The following RHOH variants were observed in gnomAD, a reference collection of about 807,000 sequenced individuals.
The protein encoded by RHOH is ras homolog family member H.
In RHOH, 6 loss-of-function variants were observed where a neutral mutation model predicts 13.8. The ratio of observed to expected loss-of-function variants is 0.44; its 90% CI spans 0.24 to 0.86. The LOEUF (loss-of-function observed/expected upper bound fraction) is 0.86. Ranked by LOEUF, RHOH falls within the 40% of genes least tolerant of loss-of-function variation. The probability of loss-of-function intolerance (pLI) is 0.24; values close to 1 mark genes in which losing one functional copy is unlikely to be tolerated. For synonymous variants in RHOH, 117 were observed against 103.0 expected (o/e 1.14, Z -0.82); for missense variants, 147 against 244.5 (o/e 0.60, Z 2.66).
intron 1 of RHOH, among the ~76,000 whole-genome samples, chr4:40,228,328 G>A (rs1268758003): frequency 6.6e-6 from 1 of 152,136 alleles, no homozygotes; most frequent in Non-Finnish European, 1.5e-5. Flanking sequence ...GGTGGTAACT[G>A]ATTTTTATCT....
Position 40,220,488 on chromosome 4 carries a change from T to C in RHOH, c.-330-22226T>C, listed in dbSNP as rs555807312. Among the ~76,000 whole-genome samples, 259 of 152,312 alleles carry C rather than the reference T, an allele frequency of 1.7e-3. 2 individuals are homozygous for C. Among genetic ancestry groups the C allele is most frequent in the African/African-American group, 6.1e-3 (252 of 41,570 alleles). On this transcript the variant is annotated intron_variant, in intron 1 of 2. Coordinates refer to ENST00000381799, the MANE Select transcript of RHOH (RefSeq NM_004310.5). ...GAGGTCCTAGCTATATGGTACTTTA[T>C]GGTGATGAAGTACAGCCACACCATT...
intron 1 of RHOH, chr4:40,200,650 G>A (rs951316758): frequency 5.3e-5 from 8 of 152,172 alleles, no homozygotes; most frequent in African/African-American, 1.9e-4. Flanking sequence ...ATTTTCCTTT[G>A]TTTTGAGTTC....
upstream of RHOH, among the ~76,000 whole-genome samples, chr4:40,192,520 C>T (rs1722746120): frequency 6.6e-6 from 1 of 152,140 alleles, no homozygotes; most frequent in Admixed American, 6.5e-5. Flanking sequence ...GGCACAACAC[C>T]TTTGCAATGA....
intron 1 of RHOH, among the ~76,000 whole-genome samples, chr4:40,197,573 T>C (rs2109341587): frequency 1.3e-5 from 2 of 152,324 alleles, no homozygotes; most frequent in South Asian, 2.1e-4. Flanking sequence ...ATGCATATGC[T>C]TGTGACTGTG....
At chr4:40,232,440 G>A (rs56146433) in intron 1 of RHOH, among the ~76,000 whole-genome samples, 3,544 of 146,450 alleles carry the variant, frequency 0.024, 126 homozygotes, top group African/African-American at 0.084. Context: ...GGAGGCGGGG[G>A]GCAGGGGTCT....
intron 1 of RHOH, among the ~76,000 whole-genome samples, chr4:40,211,637 C>T (rs1006296982): frequency 5.9e-5 from 9 of 152,060 alleles, no homozygotes; most frequent in Non-Finnish European, 8.8e-5. Context: ...GGATTTTTAG[C>T]GAGCTGTTTG....
At position 40,201,612 on chromosome 4, in the gene RHOH, T is replaced by C. The variant is rs142702042; in HGVS notation, c.-331+4312T>C. Among the ~76,000 whole-genome samples, 34 of 152,248 alleles carry C rather than the reference T, an allele frequency of 2.2e-4. No homozygotes were observed. The East Asian group carries it at 6.6e-3, about 29-fold the overall frequency. On this transcript the variant is annotated intron_variant, in intron 1 of 2. Transcript: ENST00000381799. ...GGCTTGAAATTGGCTATGGTAAAAGTACACTGTGAAAATCAGCAAACACAA... is the reference window on the plus strand; with the variant it reads ...GGCTTGAAATTGGCTATGGTAAAAGCACACTGTGAAAATCAGCAAACACAA...
intron 1 of RHOH, among the ~76,000 whole-genome samples, chr4:40,214,424 T>A (rs992224065): frequency 2.0e-5 from 3 of 152,152 alleles, no homozygotes; most frequent in Admixed American, 2.0e-4. Context: ...CTTTTTTATT[T>A]TTTAGAGACA....
upstream of RHOH, among the ~76,000 whole-genome samples, chr4:40,194,958 G>A (rs2109331639): frequency 6.6e-6 from 1 of 152,250 alleles, no homozygotes; most frequent in African/African-American, 2.4e-5. Context: ...TTTAATCTCA[G>A]CACTGGGGAG....
chr4:40,196,962 GAAACCC>G (rs2109338327), upstream of RHOH: 1 of 148,510 alleles, frequency 6.7e-6, no homozygotes, highest in Admixed American at 6.8e-5. Flanking sequence ...CCACACAAAT[GAAACCC>G]CCTCTGCGGA....
intron 1 of RHOH, among the ~76,000 whole-genome samples, chr4:40,198,889 C>T (rs909406130): frequency 5.3e-5 from 8 of 152,100 alleles, no homozygotes; most frequent in South Asian, 2.1e-4. Flanking sequence ...TTTTTCTGGA[C>T]GTTGTTTAGA....
intron 1 of RHOH, chr4:40,235,141 T>C (rs1463153124): frequency 6.6e-6 from 1 of 152,168 alleles, no homozygotes; most frequent in Admixed American, 6.5e-5. Context: ...ACCACAAAGG[T>C]GGTAACCTTA....
intron 1 of RHOH, among the ~76,000 whole-genome samples, chr4:40,234,401 A>G (rs1159810897): frequency 1.3e-5 from 2 of 152,106 alleles, no homozygotes; most frequent in East Asian, 3.9e-4. Context: ...CTAGTCTTGT[A>G]TTTGACTCTG....
upstream of RHOH, among the ~76,000 whole-genome samples, chr4:40,195,695 C>T (rs957443927): frequency 2.0e-5 from 3 of 152,104 alleles, no homozygotes; most frequent in Non-Finnish European, 2.9e-5. Flanking sequence ...ATGCTCCCCG[C>T]TCAGCCTCCT....
chr4:40,239,524 A>T (rs1728996217), intron 1 of RHOH, among the ~76,000 whole-genome samples: 1 of 152,166 alleles, frequency 6.6e-6, no homozygotes, highest in Non-Finnish European at 1.5e-5. Flanking sequence ...ATTAATAGGG[A>T]CTACTTACTG....
At chr4:40,237,311 C>T (rs960650566) in intron 1 of RHOH, among the ~76,000 whole-genome samples, 2 of 152,072 alleles carry the variant, frequency 1.3e-5, no homozygotes, top group African/African-American at 4.8e-5. Flanking sequence ...AAAAAATAGC[C>T]GGTCATGGTG....
At chr4:40,238,098 G>T (rs1225180340) in intron 1 of RHOH, among the ~76,000 whole-genome samples, 1 of 152,170 alleles carries the variant, frequency 6.6e-6, no homozygotes, top group Non-Finnish European at 1.5e-5. Context: ...TTTTACAACT[G>T]AGAAGACGAG....
intron 1 of RHOH, among the ~76,000 whole-genome samples, chr4:40,204,799 T>C (rs1160103545): frequency 1.3e-5 from 2 of 152,228 alleles, no homozygotes; most frequent in Non-Finnish European, 2.9e-5. Flanking sequence ...ATGAGTAGCA[T>C]GTGGGGCTAG....
chr4:40,199,753 A>G (rs1484836592), intron 1 of RHOH, among the ~76,000 whole-genome samples: 2 of 152,190 alleles, frequency 1.3e-5, no homozygotes, highest in Non-Finnish European at 2.9e-5. Context: ...TTCCATTTCT[A>G]CTTAGGAGTG....
Sources: allele counts gnomAD v4.1 joint callset (sites outside exome capture counted in the v4.1 genomes callset), GRCh38; gene constraint gnomAD v4.1.1; transcripts MANE v1.5; gene names NCBI Gene and HGNC (gene_info 2026-07-23, HGNC 2026-07-21).